The following SVIL variants were observed in gnomAD, a reference collection of about 807,000 sequenced individuals.
The protein encoded by SVIL is supervillin.
SVIL carries 101 observed loss-of-function variants against 240.4 expected under a neutral mutation model. The observed-to-expected ratio is 0.42, with a 90% CI of 0.36 to 0.50. SVIL has a LOEUF of 0.50. Among genes scored for constraint, SVIL ranks in the 20% least tolerant of loss-of-function variants. The pLI is 0.01. For synonymous variants in SVIL, 999 were observed against 1,100.0 expected (o/e 0.91, Z 1.82); for missense variants, 2,512 against 2,818.7 (o/e 0.89, Z 2.46).
chr10:29,595,988 C>A (rs1956571171), intron 1 of SVIL, among the ~76,000 whole-genome samples: 1 of 152,218 alleles, frequency 6.6e-6, no homozygotes, highest in South Asian at 2.1e-4. Context: ...ACTTTCTTTT[C>A]TGCAGTGTGA....
In SVIL at chr10:29,531,301, T is replaced by C; in HGVS notation, c.2010-13A>G. The C allele has an allele frequency of 6.2e-7, 1 of 1,612,922 alleles. No homozygotes were observed. On this transcript the variant is annotated splice_polypyrimidine_tract_variant and intron_variant, in intron 9 of 37. Transcript: ENST00000355867. ...ATGTGAAGTGCACCTAGGAAAGACA[T>C]TAGCAAATAACAATAATACATTAGC... is the stretch of plus-strand genomic sequence containing the variant.
intron 6 of SVIL, among the ~76,000 whole-genome samples, chr10:29,543,844 G>A (rs1223037333): frequency 6.6e-6 from 1 of 152,144 alleles, no homozygotes; most frequent in Non-Finnish European, 1.5e-5. Flanking sequence ...GAATCTTGGG[G>A]TGAGCCAACC....
intron 1 of SVIL, among the ~76,000 whole-genome samples, chr10:29,607,740 T>C (rs1422632813): frequency 6.6e-6 from 1 of 152,236 alleles, no homozygotes; most frequent in Non-Finnish European, 1.5e-5. Context: ...ACACCCATGC[T>C]GTGACAAGCA....
intron 33 of SVIL, among the ~76,000 whole-genome samples, chr10:29,466,048 C>A (rs1944870625): frequency 6.6e-6 from 1 of 151,986 alleles, no homozygotes; most frequent in Admixed American, 6.6e-5. Flanking sequence ...ATCCTTAATA[C>A]ATGAAGGGAC....
intron 6 of SVIL, among the ~76,000 whole-genome samples, chr10:29,542,701 A>C (rs1952273615): frequency 3.9e-5 from 6 of 152,224 alleles, no homozygotes; most frequent in Admixed American, 3.3e-4. Flanking sequence ...TAGTTATTTT[A>C]AAATGCACGA....
At chr10:29,686,876 A>G (rs1269453240) in intron 1 of SVIL, among the ~76,000 whole-genome samples, 1 of 151,982 alleles carries the variant, frequency 6.6e-6, no homozygotes, top group Non-Finnish European at 1.5e-5. Context: ...GGTAATTTAA[A>G]TCATGACTAA....
intron 1 of SVIL, among the ~76,000 whole-genome samples, chr10:29,599,279 A>T (rs1956721666): frequency 6.6e-6 from 1 of 152,226 alleles, no homozygotes; most frequent in Admixed American, 6.5e-5. Context: ...TGACCTTGAC[A>T]CTCAGGCAAA....
intron 10 of SVIL, 93 bp downstream of exon 10, chr10:29,531,161 T>G: frequency 8.1e-7 from 1 of 1,229,144 alleles, no homozygotes; most frequent in Non-Finnish European, 1.2e-6. Flanking sequence ...TTATGCTCCA[T>G]CATCTTACTC....
chr10:29,548,233 G>A (rs976991756), intron 6 of SVIL, among the ~76,000 whole-genome samples: 1 of 152,134 alleles, frequency 6.6e-6, no homozygotes, highest in Non-Finnish European at 1.5e-5. Flanking sequence ...ATGACCAGGT[G>A]TGCACCCCTG....
chr10:29,529,891 C>G, intron 11 of SVIL, 47 bp from the exon 12 acceptor site: 1 of 1,554,436 alleles, frequency 6.4e-7, no homozygotes, highest in Admixed American at 1.9e-5. Context: ...AAGGAAAGAG[C>G]TGGGCACGGT....
chr10:29,461,495 A>C (rs750394570), intron 36 of SVIL, among the ~76,000 whole-genome samples: 2 of 152,172 alleles, frequency 1.3e-5, no homozygotes, highest in Non-Finnish European at 2.9e-5. Context: ...CGAATTTCCT[A>C]TAAAATACAC....
Position 29,465,642 on chromosome 10 carries a change from C to A in SVIL, c.6086G>T (p.Ser2029Ile). The change falls in exon 34 of 38, where the codon AGT becomes ATT. Residue 2029 changes from serine to isoleucine, a missense_variant. Physicochemically the swap from Ser to Ile is moderately radical, Grantham distance 142 (BLOSUM62 -2). Around this residue, in one of 3 missense-constraint regions of SVIL, gnomAD observed 797 missense variants for 925.3 expected, o/e 0.86. Transcript: ENST00000355867. ...ATCTTCCTGCAGGAAGGGCATGGAACTGACCACAGAGGGGGCTCGGGCAGG... is the reference window on the plus strand; with the variant it reads ...ATCTTCCTGCAGGAAGGGCATGGAAATGACCACAGAGGGGGCTCGGGCAGG... ...VYPARAPSVV[S>I]SMPFLQEDLY... is the part of the protein sequence containing the mutation. 1 of 1,613,988 alleles carries A rather than the reference C, an allele frequency of 6.2e-7. No homozygotes were observed. The highest frequency in any genetic ancestry group is 1.1e-5 in the South Asian group (1 of 91,074).
chr10:29,668,560 G>A (rs1181326634), intron 2 of SVIL, among the ~76,000 whole-genome samples: 1 of 152,170 alleles, frequency 6.6e-6, no homozygotes, highest in African/African-American at 2.4e-5. Context: ...TGCAACCACT[G>A]TCTTCTGGGT....
At chr10:29,591,751 T>C (rs1409460339) in intron 1 of SVIL, among the ~76,000 whole-genome samples, 1 of 152,238 alleles carries the variant, frequency 6.6e-6, no homozygotes, top group Non-Finnish European at 1.5e-5. Flanking sequence ...ACAGAACTCA[T>C]GCCAGCTTAT....
At chr10:29,515,015 TC>T (rs1262289779) in intron 16 of SVIL, among the ~76,000 whole-genome samples, 1 of 152,192 alleles carries the variant, frequency 6.6e-6, no homozygotes, top group African/African-American at 2.4e-5. Context: ...AAGAAAGGAA[TC>T]CCCCAAAGGA....
intron 17 of SVIL, among the ~76,000 whole-genome samples, chr10:29,512,196 G>A (rs1342016012): frequency 6.6e-6 from 1 of 152,172 alleles, no homozygotes; most frequent in African/African-American, 2.4e-5. Flanking sequence ...TGATCACCAT[G>A]CATTACCTAA....
At chr10:29,683,854 A>G (rs772625251) in intron 2 of SVIL, among the ~76,000 whole-genome samples, 2 of 152,052 alleles carry the variant, frequency 1.3e-5, no homozygotes, top group Non-Finnish European at 2.9e-5. Flanking sequence ...GCACTTCACC[A>G]TGGAAGCACA....
chr10:29,623,962 G>A (rs1024928446), intron 1 of SVIL, among the ~76,000 whole-genome samples: 3 of 152,266 alleles, frequency 2.0e-5, no homozygotes, highest in African/African-American at 7.2e-5. Context: ...CTAGGTTTGT[G>A]GAAATGCACT....
chr10:29,627,011 G>A, intron 1 of SVIL, among the ~76,000 whole-genome samples: 1 of 151,726 alleles, frequency 6.6e-6, no homozygotes, highest in East Asian at 1.9e-4. Context: ...GAGACTGAGC[G>A]AGACTCCATC....
Sources: allele counts gnomAD v4.1 joint callset (sites outside exome capture counted in the v4.1 genomes callset), GRCh38; gene constraint gnomAD v4.1.1; regional missense constraint gnomAD v4.1.1; transcripts MANE v1.5; gene names NCBI Gene and HGNC (gene_info 2026-07-23, HGNC 2026-07-21).